GRIK5: variants seen among roughly 807,000 people sequenced by gnomAD.
GRIK5 encodes glutamate ionotropic receptor kainate type subunit 5.
A neutral mutation model predicts 97.4 loss-of-function variants in GRIK5; 43 were observed. The observed-to-expected ratio is 0.44, with a 90% CI of 0.35 to 0.57. The LOEUF is 0.57. Ranked by LOEUF, GRIK5 falls within the 20% of genes least tolerant of loss-of-function variation. The pLI is 0.01. For synonymous variants in GRIK5, 580 were observed against 583.5 expected (o/e 0.99, Z 0.09); for missense variants, 1,015 against 1,382.0 (o/e 0.73, Z 4.21).
In GRIK5 at chr19:42,006,938, G is replaced by T; in HGVS notation, c.1872-128C>A. ...ATCTGGAAGACTCAGTGACTGCTGGGTGCAGAAGCGGGGAGTGTGGATTCT... is the reference window on the plus strand; with the variant it reads ...ATCTGGAAGACTCAGTGACTGCTGGTTGCAGAAGCGGGGAGTGTGGATTCT... On this transcript the variant is annotated intron_variant, in intron 15 of 19. Coordinates refer to ENST00000593562, the MANE Select transcript of GRIK5 (RefSeq NM_002088.5). The surrounding 1 kb of genome is among the most constrained non-coding windows in gnomAD (Gnocchi z 5.3). 3.1e-6 allele frequency: 2 copies of T among 644,436 alleles called. No homozygotes were observed. The highest frequency in any genetic ancestry group is 5.6e-5 in the East Asian group (2 of 35,718). 39.9% of individuals were successfully genotyped at this position (644,436 alleles called of 1,614,324 possible). A position where few individuals can be genotyped will look rare whatever the true frequency, so the allele number is the denominator to read the frequency against.
intron 11 of GRIK5, among the ~76,000 whole-genome samples, chr19:42,050,914 T>C (rs550319769): frequency 6.6e-6 from 1 of 152,052 alleles, no homozygotes; most frequent in Non-Finnish European, 1.5e-5. Flanking sequence ...ACACGTACCT[T>C]GGGCACTGCA....
intron 19 of GRIK5, among the ~76,000 whole-genome samples, chr19:42,001,046 C>T (rs2075419114): frequency 6.6e-6 from 1 of 152,064 alleles, no homozygotes; most frequent in South Asian, 2.1e-4. Flanking sequence ...ATACCCCCAA[C>T]CTCCCCCTTT....
At chr19:42,066,931 C>A (rs1480805755) in intron 1 of GRIK5, among the ~76,000 whole-genome samples, 1 of 152,134 alleles carries the variant, frequency 6.6e-6, no homozygotes, top group East Asian at 1.9e-4. Flanking sequence ...CCACTGCCCC[C>A]CACCCTACTG....
chr19:42,050,767 C>T (rs1184251553), intron 11 of GRIK5, among the ~76,000 whole-genome samples: 1 of 152,074 alleles, frequency 6.6e-6, no homozygotes, highest in African/African-American at 2.4e-5. Flanking sequence ...GTCATTTAAC[C>T]CTCCTATGCC....
intron 12 of GRIK5, among the ~76,000 whole-genome samples, chr19:42,039,294 C>T (rs576409953): frequency 6.6e-6 from 1 of 152,148 alleles, no homozygotes; most frequent in Admixed American, 6.5e-5. Context: ...GCCAACATGG[C>T]GAAACCCATC....
intron 15 of GRIK5, among the ~76,000 whole-genome samples, chr19:42,018,149 TAAAA>T (rs11452086): frequency 1.6e-5 from 1 of 62,806 alleles, no homozygotes; most frequent in Non-Finnish European, 2.7e-5. Context: ...CCATCTCTAC[TAAAA>T]AAAAAAAAAA....
chr19:42,066,872 G>C (rs1014767241), intron 1 of GRIK5, among the ~76,000 whole-genome samples: 1 of 152,092 alleles, frequency 6.6e-6, no homozygotes, highest in African/African-American at 2.4e-5. Flanking sequence ...TGGAAGGGAG[G>C]AGTGAGTAAG....
chr19:42,018,846 C>G (rs2075662805), intron 15 of GRIK5, among the ~76,000 whole-genome samples: 1 of 152,086 alleles, frequency 6.6e-6, no homozygotes, highest in African/African-American at 2.4e-5. Context: ...CAGGCAAGTC[C>G]TCGAGGGTGA....
chr19:42,069,259 G>A lies in GRIK5; in HGVS notation c.-69C>T, dbSNP rs1016783467. ...CACTCACGGATCCTGGTGGGACGGA[G>A]GGCTGGGCTCCCTCGAGGCCCGAAG... On this transcript the variant is annotated 5_prime_UTR_variant, in exon 1 of 20. Coordinates refer to ENST00000593562, the MANE Select transcript of GRIK5 (RefSeq NM_002088.5). The A allele has an allele frequency of 8.1e-5, 20 of 247,378 alleles. No individual in the cohort carries two copies. The highest frequency in any genetic ancestry group is 1.2e-4 in the Non-Finnish European group (16 of 130,264). 15.3% of individuals were successfully genotyped at this position (247,378 alleles called of 1,614,324 possible).
At chr19:42,019,304 C>T (rs188614534) in intron 15 of GRIK5, among the ~76,000 whole-genome samples, 5 of 152,198 alleles carry the variant, frequency 3.3e-5, no homozygotes, top group East Asian at 1.9e-4. Flanking sequence ...TTGGCATGGA[C>T]GACTCTGTTT....
chr19:42,022,002 G>C lies in GRIK5; in HGVS notation c.1642C>G (p.Leu548Val). The C allele has an allele frequency of 1.2e-6, 2 of 1,614,032 alleles. No homozygotes were observed. Among genetic ancestry groups the C allele is most frequent in the Non-Finnish European group, 1.7e-6 (2 of 1,179,894 alleles). The change falls in exon 14 of 20, where the codon CTC becomes GTC. Residue 548 changes from leucine to valine, a missense_variant. Leu to Val is a conservative substitution (Grantham distance 32, BLOSUM62 1). Around this residue, in one of 5 missense-constraint regions of GRIK5, gnomAD observed 477 missense variants for 701.1 expected, o/e 0.68. Transcript: ENST00000593562. This position sits in a 1 kb window ranked among gnomAD's most constrained non-coding sequence, Gnocchi z 4.2. ...FLDPFSPAVW[L>V]FMLLAYLAVS... ...GCCAGGTAGGCAAGAAGCATGAAGA[G>C]CCACACAGCAGGGGAGAAGGGGTCC...
chr19:41,999,166 A>T lies in GRIK5; in HGVS notation c.2648T>A (p.Met883Lys). ...ALLSLRAVREMRLSNGKLYSA... is the reference protein window; with the variant it reads ...ALLSLRAVREKRLSNGKLYSA... Reference sequence around the variant, plus strand: ...GTAGAGCTTGCCGTTGCTGAGGCGCATCTCGCGGACCGCGCGCAGTGACAG... The same window carrying T: ...GTAGAGCTTGCCGTTGCTGAGGCGCTTCTCGCGGACCGCGCGCAGTGACAG... The change falls in exon 20 of 20, where the codon ATG becomes AAG. Residue 883 changes from methionine to lysine, a missense_variant. Met to Lys is a moderately conservative substitution (Grantham distance 95). Coordinates refer to ENST00000593562, the MANE Select transcript of GRIK5 (RefSeq NM_002088.5). The surrounding 1 kb of genome is among the most constrained non-coding windows in gnomAD (Gnocchi z 5.0). The T allele has an allele frequency of 6.6e-7, 1 of 1,504,650 alleles. No homozygotes were observed. The highest frequency in any genetic ancestry group is 8.8e-7 in the Non-Finnish European group (1 of 1,135,128). The allele number at this position is 1,504,650 out of a possible 1,614,324, so 93.2% of individuals were successfully genotyped here. A position where few individuals can be genotyped will look rare whatever the true frequency, so the allele number is the denominator to read the frequency against.
rs923136586 is a variant in GRIK5 at position 41,998,429 on chromosome 19, G to A, written c.*442C>T. 3 of 152,548 alleles carry A rather than the reference G, an allele frequency of 2.0e-5. No homozygotes were observed. Among genetic ancestry groups the A allele is most frequent in the Non-Finnish European group, 4.4e-5 (3 of 68,062 alleles). The allele number at this position is 152,548 out of a possible 1,614,324, so 9.4% of individuals were successfully genotyped here. ...CTGGGGGAGGTCTCATAGAAATTCC[G>A]AGGTTTCTCCCCCCAAAAAAGAGAG... On this transcript the variant is annotated 3_prime_UTR_variant, in exon 20 of 20. Coordinates refer to ENST00000593562, the MANE Select transcript of GRIK5 (RefSeq NM_002088.5).
chr19:42,038,825 T>C (rs1242033605), intron 12 of GRIK5, among the ~76,000 whole-genome samples: 1 of 152,204 alleles, frequency 6.6e-6, no homozygotes, highest in Non-Finnish European at 1.5e-5. Context: ...GTGATGACGG[T>C]GGTGACTATT....
In GRIK5 at chr19:42,003,876, T is replaced by G. The variant is rs1241246064; in HGVS notation, c.2264-193A>C. 1 of 575,530 alleles carries G rather than the reference T, an allele frequency of 1.7e-6. No individual in the cohort carries two copies. Among genetic ancestry groups the G allele is most frequent in the East Asian group, 3.1e-5 (1 of 32,686 alleles). 35.7% of individuals were successfully genotyped at this position (575,530 alleles called of 1,614,324 possible). A position where few individuals can be genotyped will look rare whatever the true frequency, so the allele number is the denominator to read the frequency against. On this transcript the variant is annotated intron_variant, in intron 17 of 19. Coordinates refer to ENST00000593562, the MANE Select transcript of GRIK5 (RefSeq NM_002088.5). This position sits in a 1 kb window ranked among gnomAD's most constrained non-coding sequence, Gnocchi z 4.2. Reference sequence around the variant, plus strand: ...GCCAGAGAGACAGTGTTAGGAAGAGTCAGAGGCCATACCTTTCCTGTGCTC... The same window carrying G: ...GCCAGAGAGACAGTGTTAGGAAGAGGCAGAGGCCATACCTTTCCTGTGCTC...
intron 12 of GRIK5, among the ~76,000 whole-genome samples, chr19:42,037,926 C>A (rs968060011): frequency 1.3e-5 from 2 of 152,218 alleles, no homozygotes; most frequent in African/African-American, 4.8e-5. Flanking sequence ...AACTCCTCTG[C>A]CCAAGCCTGC....
At chr19:42,031,329 G>C (rs561029212) in intron 12 of GRIK5, among the ~76,000 whole-genome samples, 1 of 152,318 alleles carries the variant, frequency 6.6e-6, no homozygotes, top group Admixed American at 6.5e-5. Context: ...AATTGCTTTT[G>C]AATTACTATT....
chr19:42,010,265 G>A (rs2075546073), intron 15 of GRIK5, among the ~76,000 whole-genome samples: 1 of 152,066 alleles, frequency 6.6e-6, no homozygotes, highest in Non-Finnish European at 1.5e-5. Context: ...ATGAAGTAAT[G>A]GCCTACAACT....
At chr19:42,024,410 AC>A (rs1461122295) in intron 12 of GRIK5, among the ~76,000 whole-genome samples, 1 of 151,750 alleles carries the variant, frequency 6.6e-6, no homozygotes, top group East Asian at 1.9e-4. Flanking sequence ...ACGGGGTTTC[AC>A]CATATTGGTT....
Sources: gnomAD v4.1 joint callset for allele counts (sites outside exome capture counted in the v4.1 genomes callset) on GRCh38, gnomAD v4.1.1 for gene constraint, gnomAD v4.1.1 regional missense constraint, Gnocchi (gnomAD v3.1) non-coding constraint, MANE v1.5 for transcripts, NCBI Gene and HGNC (gene_info 2026-07-23, HGNC 2026-07-21) for gene names.